The following BTBD7 variants were observed in gnomAD, a reference collection of about 807,000 sequenced individuals.
BTBD7 encodes BTB/POZ domain-containing protein 7.
A neutral mutation model predicts 99.9 loss-of-function variants in BTBD7; 38 were observed. That is an observed-to-expected ratio of 0.38 (90% CI 0.29 to 0.50). BTBD7 has a LOEUF of 0.50. Among genes scored for constraint, BTBD7 ranks in the 20% least tolerant of loss-of-function variants. The pLI is 0.93. For synonymous variants in BTBD7, 520 were observed against 511.4 expected, an observed-to-expected ratio of 1.02 and a Z score of -0.23; for missense variants, 1,170 against 1,394.6, an observed-to-expected ratio of 0.84 and a Z score of 2.57.
At chr14:93,275,474 A>C (rs180947089) in intron 3 of BTBD7, among the ~76,000 whole-genome samples, 19 of 152,284 alleles carry the variant, frequency 1.2e-4, no homozygotes, top group South Asian at 2.1e-4. Context: ...AATATTTGGA[A>C]TTTGGTTGTC....
chr14:93,257,463 G>C, intron 5 of BTBD7, 108 bp from the exon 6 acceptor site: 1 of 953,156 alleles, frequency 1.0e-6, no homozygotes, highest in Non-Finnish European at 1.5e-6. Context: ...AGACTTATGT[G>C]CCTCTGCTTT....
intron 1 of BTBD7, among the ~76,000 whole-genome samples, chr14:93,296,598 T>C (rs996100312): frequency 3.9e-5 from 6 of 152,220 alleles, no homozygotes; most frequent in Middle Eastern, 3.2e-3. Context: ...ATTGATTAGT[T>C]GTTTTTCTGC....
At chr14:93,281,937 A>G (rs771154405) in intron 3 of BTBD7, among the ~76,000 whole-genome samples, 2 of 152,254 alleles carry the variant, frequency 1.3e-5, no homozygotes, top group Admixed American at 6.5e-5. Context: ...GAATATTATC[A>G]ATCGTATTAT....
chr14:93,292,232 C>T (rs1279185120), intron 3 of BTBD7, among the ~76,000 whole-genome samples: 1 of 151,766 alleles, frequency 6.6e-6, no homozygotes, highest in African/African-American at 2.4e-5. Flanking sequence ...CTTTCTCATA[C>T]AAAGTCTATA....
intron 3 of BTBD7, among the ~76,000 whole-genome samples, chr14:93,280,651 C>A (rs912305376): frequency 6.6e-6 from 1 of 152,050 alleles, no homozygotes; most frequent in Non-Finnish European, 1.5e-5. Flanking sequence ...TTTAATATAT[C>A]AAGTAATCCC....
intron 3 of BTBD7, among the ~76,000 whole-genome samples, chr14:93,292,869 A>G (rs1241358006): frequency 1.3e-5 from 2 of 152,198 alleles, no homozygotes; most frequent in Admixed American, 6.5e-5. Context: ...TCAAAGCCCT[A>G]TTGATAGGCT....
intron 1 of BTBD7, among the ~76,000 whole-genome samples, chr14:93,321,070 A>G (rs1217201088): frequency 6.6e-6 from 1 of 152,256 alleles, no homozygotes; most frequent in Non-Finnish European, 1.5e-5. Flanking sequence ...ATGAGCTTGT[A>G]ACCATGATTA....
At chr14:93,318,835 T>A in intron 1 of BTBD7, among the ~76,000 whole-genome samples, 1 of 152,210 alleles carries the variant, frequency 6.6e-6, no homozygotes, top group East Asian at 1.9e-4. Context: ...ACAGACTAAG[T>A]TCTTGGAGTA....
rs147706741 is a variant in BTBD7, at chr14:93,319,717, G to A, written c.-107+13103C>T. On this transcript the variant is annotated intron_variant, in intron 1 of 10. Transcript: ENST00000334746. ...AGTTAAGCAAAATGAGTAAGCTCTA[G>A]AGATCTACTGTACAACACTGTACCT... Among the ~76,000 whole-genome samples the A allele has an allele frequency of 6.6e-5, 10 of 152,242 alleles. No homozygotes were observed. The East Asian group carries it at 1.9e-3, about 29-fold the overall frequency.
At chr14:93,244,631 A>T (rs981781670) in intron 10 of BTBD7, among the ~76,000 whole-genome samples, 2 of 152,240 alleles carry the variant, frequency 1.3e-5, no homozygotes, top group Non-Finnish European at 2.9e-5. Flanking sequence ...CCTGGGCAAC[A>T]GAGTGAGACT....
intron 3 of BTBD7, among the ~76,000 whole-genome samples, chr14:93,285,984 CT>C (rs1248690309): frequency 6.6e-6 from 1 of 152,154 alleles, no homozygotes; most frequent in African/African-American, 2.4e-5. Flanking sequence ...AGGATGGGGA[CT>C]CCACAACATG....
intron 1 of BTBD7, among the ~76,000 whole-genome samples, chr14:93,322,589 G>A (rs1417923140): frequency 1.3e-5 from 2 of 152,086 alleles, no homozygotes; most frequent in Non-Finnish European, 2.9e-5. Context: ...AATTCAAAGA[G>A]CATTTACTTA....
chr14:93,325,225 C>T (rs539649551), intron 1 of BTBD7, among the ~76,000 whole-genome samples: 7 of 151,268 alleles, frequency 4.6e-5, no homozygotes, highest in South Asian at 2.1e-4. Context: ...GCGATTCTCC[C>T]GCCTCAGCCT....
At chr14:93,314,579 G>A (rs2053177504) in intron 1 of BTBD7, among the ~76,000 whole-genome samples, 1 of 151,994 alleles carries the variant, frequency 6.6e-6, no homozygotes, top group African/African-American at 2.4e-5. Context: ...CATATTGAGG[G>A]TCACATCCAA....
In BTBD7 at chr14:93,301,141, G is replaced by A. The variant is rs556816971; in HGVS notation, c.-106-4984C>T. ...AGACTGAGGCAGGAGGACTGCTTGAGGCCAGGAGTTAGAGACCAACCTGGG... is the reference window on the plus strand; with the variant it reads ...AGACTGAGGCAGGAGGACTGCTTGAAGCCAGGAGTTAGAGACCAACCTGGG... On this transcript the variant is annotated intron_variant, in intron 1 of 10. Coordinates refer to ENST00000334746, the MANE Select transcript of BTBD7 (RefSeq NM_001002860.4). Among the ~76,000 whole-genome samples, 36 of 152,014 alleles carry A rather than the reference G, an allele frequency of 2.4e-4. No homozygotes were observed. In the East Asian group the frequency reaches 7.0e-3, roughly 30 times the overall value.
rs2052175083 is a variant in BTBD7 at position 93,237,553 on chromosome 14, T to C, written c.*4720A>G. 1 of 152,646 alleles carries C rather than the reference T, an allele frequency of 6.6e-6. No individual in the cohort carries two copies. Among genetic ancestry groups the C allele is most frequent in the African/African-American group, 2.4e-5 (1 of 41,444 alleles). The allele number at this position is 152,646 out of a possible 1,614,324, so 9.5% of individuals were successfully genotyped here. A position where few individuals can be genotyped will look rare whatever the true frequency, so the allele number is the denominator to read the frequency against. Reference sequence around the variant, plus strand: ...AGACTGTATCCAACTCAGCAGATTCTATACAAGCCATTTATTTGAAATGCC... The same window carrying C: ...AGACTGTATCCAACTCAGCAGATTCCATACAAGCCATTTATTTGAAATGCC... On this transcript the variant is annotated 3_prime_UTR_variant, in exon 11 of 11. Transcript: ENST00000334746.
At chr14:93,323,439 T>C (rs770476585) in intron 1 of BTBD7, among the ~76,000 whole-genome samples, 104 of 152,328 alleles carry the variant, frequency 6.8e-4, no homozygotes, top group Non-Finnish European at 1.2e-3. Context: ...ACTTCTGTCA[T>C]AGCTATCACT....
chr14:93,282,338 T>TTC (rs888349088), intron 3 of BTBD7, among the ~76,000 whole-genome samples: 11 of 150,654 alleles, frequency 7.3e-5, no homozygotes, highest in Non-Finnish European at 8.9e-5. Context: ...CTTTTTTCTT[T>TTC]TTTTTTTTTT....
intron 5 of BTBD7, among the ~76,000 whole-genome samples, chr14:93,258,795 G>A (rs1182726457): frequency 1.3e-5 from 2 of 152,140 alleles, no homozygotes; most frequent in Non-Finnish European, 2.9e-5. Flanking sequence ...ATGTTGGCCA[G>A]GCTGGTCTCA....
Sources: allele counts gnomAD v4.1 joint callset (sites outside exome capture counted in the v4.1 genomes callset), GRCh38; gene constraint gnomAD v4.1.1; transcripts MANE v1.5; gene names NCBI Gene and HGNC (gene_info 2026-07-23, HGNC 2026-07-21).